Variants in ZNF106 observed in about 807,000 individuals in gnomAD.
ZNF106 encodes the protein SH3-domain binding protein 3.
Under a neutral mutation model 195.1 loss-of-function variants are expected in ZNF106, and 67 were observed. The observed-to-expected ratio is 0.34, with a 90% confidence interval of 0.28 to 0.42. ZNF106 has a LOEUF of 0.42. Ranked by LOEUF, ZNF106 falls within the 10% of genes least tolerant of loss-of-function variation. The probability of loss-of-function intolerance (pLI) is 1.00; values close to 1 mark genes in which losing one functional copy is unlikely to be tolerated. For synonymous variants in ZNF106, 784 were observed against 818.6 expected, an observed-to-expected ratio of 0.96 and a Z score of 0.72; for missense variants, 2,118 against 2,304.5, an observed-to-expected ratio of 0.92 and a Z score of 1.66.
At position 42,437,279 on chromosome 15, in the gene ZNF106, G is replaced by C; in HGVS notation, c.4699C>G (p.Leu1567Val). 6.2e-7 allele frequency: 1 copy of C among 1,614,104 alleles called. No individual in the cohort carries two copies. The highest frequency in any genetic ancestry group is 8.5e-7 in the Non-Finnish European group (1 of 1,180,008). The change falls in exon 13 of 22, where the codon CTA becomes GTA. Residue 1567 changes from leucine to valine, a missense_variant. Coordinates refer to ENST00000564754, the MANE Select transcript of ZNF106 (RefSeq NM_001366845.3). ...GTTTTATCTGCTGAACAGGTATATA[G>C]CAAGTTCCCAAATATCTGAATTGCA... Reference protein sequence around the residue: ...VNAIQIFGNLLYTCSADKTVR... With the variant: ...VNAIQIFGNLVYTCSADKTVR...
chr15:42,420,908 C>T (rs979682191), intron 20 of ZNF106, among the ~76,000 whole-genome samples, 153 bp downstream of exon 20: 2 of 152,104 alleles, frequency 1.3e-5, no homozygotes, highest in Admixed American at 1.3e-4. Flanking sequence ...AACAAAACCA[C>T]CACCGAGGAG....
intron 1 of ZNF106, among the ~76,000 whole-genome samples, chr15:42,474,825 T>C (rs903481483): frequency 7.3e-4 from 111 of 152,186 alleles, no homozygotes; most frequent in African/African-American, 2.6e-3. Flanking sequence ...TTCATAATCC[T>C]CTGGCACTAG....
At chr15:42,449,293 A>C (rs556779987) in intron 5 of ZNF106, among the ~76,000 whole-genome samples, 1 of 152,356 alleles carries the variant, frequency 6.6e-6, no homozygotes, top group East Asian at 1.9e-4. Context: ...AGCGCTTAAG[A>C]GAAAGCATGT....
Position 42,415,418 on chromosome 15 carries a change from G to A in ZNF106, c.*1886C>T, listed in dbSNP as rs373662515. ...ATTACAGGTGTGAGCCACCAGGCCC[G>A]GCCTCCTAGATTAATTCTTGACATT... On this transcript the variant is annotated 3_prime_UTR_variant, in exon 22 of 22. Coordinates refer to ENST00000564754, the MANE Select transcript of ZNF106 (RefSeq NM_001366845.3). 7.3e-5 allele frequency: 33 copies of A among 453,686 alleles called. 1 individual carries two copies. In the Middle Eastern group the frequency reaches 9.8e-4, roughly 13 times the overall value. The allele number at this position is 453,686 out of a possible 1,614,324, so 28.1% of individuals were successfully genotyped here. A position where few individuals can be genotyped will look rare whatever the true frequency, so the allele number is the denominator to read the frequency against.
At chr15:42,457,673 G>T in intron 3 of ZNF106, 1 of 412,964 alleles carries the variant, frequency 2.4e-6, no homozygotes, top group South Asian at 9.3e-5. Flanking sequence ...GCTCTGCCTG[G>T]AATGTGAGGA....
rs1595464665 is a variant in ZNF106 at position 42,447,861 on chromosome 15, G to A, written c.3135+211C>T. Reference sequence around the variant, plus strand: ...TTTAGATATGACTTCATATTTTCCTGGTACTGTACATTCATATTAGATTAC... The same window carrying A: ...TTTAGATATGACTTCATATTTTCCTAGTACTGTACATTCATATTAGATTAC... On this transcript the variant is annotated intron_variant, in intron 6 of 21. Transcript: ENST00000564754. Among the ~76,000 whole-genome samples the A allele has an allele frequency of 2.0e-5, 3 of 152,232 alleles. 1 individual carries two copies.
At chr15:42,419,330 G>A (rs1282112758) in intron 20 of ZNF106, among the ~76,000 whole-genome samples, 1 of 152,010 alleles carries the variant, frequency 6.6e-6, no homozygotes, top group Non-Finnish European at 1.5e-5. Context: ...TCGCACTCCA[G>A]CCTGGGTGAC....
chr15:42,486,303 G>A (rs960237472), intron 1 of ZNF106, among the ~76,000 whole-genome samples: 1 of 151,038 alleles, frequency 6.6e-6, no homozygotes, highest in Non-Finnish European at 1.5e-5. Context: ...TCTATCACCT[G>A]GGGTAGAGTG....
intron 1 of ZNF106, among the ~76,000 whole-genome samples, chr15:42,481,125 T>C (rs1316534707): frequency 6.6e-6 from 1 of 152,112 alleles, no homozygotes; most frequent in Admixed American, 6.6e-5. Flanking sequence ...GATGATGCTT[T>C]TTTGTGCTAT....
chr15:42,460,568 G>C (rs2056364333), intron 3 of ZNF106, among the ~76,000 whole-genome samples: 1 of 152,200 alleles, frequency 6.6e-6, no homozygotes, highest in African/African-American at 2.4e-5. Context: ...AATAAGTGCA[G>C]TATAAAAGTT....
chr15:42,422,067 C>T, intron 18 of ZNF106, 79 bp from the exon 19 acceptor site: 2 of 1,313,272 alleles, frequency 1.5e-6, no homozygotes, highest in Non-Finnish European at 1.0e-6. Flanking sequence ...AGGCCTTTGG[C>T]AGGTTTAAAA....
Position 42,417,916 on chromosome 15 carries a change from A to G in ZNF106, c.5553T>C (p.Asp1851=). The G allele has an allele frequency of 6.2e-7, 1 of 1,614,016 alleles. No homozygotes were observed. Among genetic ancestry groups the G allele is most frequent in the Non-Finnish European group, 8.5e-7 (1 of 1,179,954 alleles). The change falls in exon 21 of 22, where the codon GAT becomes GAC. Residue 1851 remains aspartate (D), a synonymous_variant. Transcript: ENST00000564754. Reference sequence around the variant, plus strand: ...CGGTCAGCAAGTGTTGTTTTAAATGATCTACAACGCCAAATATCAGAGAGC... The same window carrying G: ...CGGTCAGCAAGTGTTGTTTTAAATGGTCTACAACGCCAAATATCAGAGAGC... ...HGCSLIFGVV[D]HLKQHLLTDH... is the part of the protein sequence containing the mutation.
chr15:42,420,358 A>G (rs2054614005), intron 20 of ZNF106, among the ~76,000 whole-genome samples: 2 of 152,144 alleles, frequency 1.3e-5, no homozygotes, highest in Admixed American at 1.3e-4. Context: ...TTATTACATC[A>G]AAAAAACATA....
chr15:42,417,847 C>T lies in ZNF106; in HGVS notation c.5622G>A (p.Lys1874=), dbSNP rs1424543559. The T allele has an allele frequency of 6.2e-7, 1 of 1,613,998 alleles. No homozygotes were observed. The highest frequency in any genetic ancestry group is 1.1e-5 in the South Asian group (1 of 91,068). ...TAGCAGTGAAAAAAGCATCGCAGTT[C>T]TTCCAGCGACATTTCAGAGTCTGGA... ...PNFQTLKCRW[K]NCDAFFTARK... Residue 1874 remains lysine, a synonymous_variant, in exon 21 of 22, where the codon AAG becomes AAA. Transcript: ENST00000564754.
chr15:42,481,859 A>G (rs551984495), intron 1 of ZNF106, among the ~76,000 whole-genome samples: 1 of 152,140 alleles, frequency 6.6e-6, no homozygotes, highest in Non-Finnish European at 1.5e-5. Flanking sequence ...TTGTCTGTCA[A>G]TAGTTTAACT....
chr15:42,426,253 T>C (rs1459775464), intron 15 of ZNF106, among the ~76,000 whole-genome samples: 1 of 152,178 alleles, frequency 6.6e-6, no homozygotes, highest in Non-Finnish European at 1.5e-5. Flanking sequence ...TTCACATCTA[T>C]GCAGAGATTC....
At chr15:42,484,087 A>C (rs2056960120) in intron 1 of ZNF106, among the ~76,000 whole-genome samples, 1 of 152,178 alleles carries the variant, frequency 6.6e-6, no homozygotes, top group South Asian at 2.1e-4. Flanking sequence ...GGAAATTTTC[A>C]TTCATACATA....
In ZNF106 at chr15:42,448,288, A is replaced by G. The variant is rs2055845998; in HGVS notation, c.2919T>C (p.His973=). The change falls in exon 6 of 22, where the codon CAT becomes CAC. Residue 973 remains histidine, a synonymous_variant. Coordinates refer to ENST00000564754, the MANE Select transcript of ZNF106 (RefSeq NM_001366845.3). ...LSSDHIIPLM[H]LAKDLNSQER... ...CCTGGCTGTTCAAGTCTTTTGCCAA[A>G]TGCATCAAAGGTATTATATGGTCAG... is the stretch of plus-strand genomic sequence containing the variant. 6.2e-7 allele frequency: 1 copy of G among 1,614,198 alleles called. No homozygotes were observed.
At position 42,416,341 on chromosome 15, in the gene ZNF106, C is replaced by T. The variant is rs562102939; in HGVS notation, c.*963G>A. 6.6e-6 allele frequency: 1 copy of T among 152,406 alleles called. No individual in the cohort carries two copies. The highest frequency in any genetic ancestry group is 1.5e-5 in the Non-Finnish European group (1 of 68,132). 9.4% of individuals were successfully genotyped at this position (152,406 alleles called of 1,614,324 possible). On this transcript the variant is annotated 3_prime_UTR_variant, in exon 22 of 22. Coordinates refer to ENST00000564754, the MANE Select transcript of ZNF106 (RefSeq NM_001366845.3). ...GTTGCTGCAGGGGGGTGGAAAACAC[C>T]CCGTGAGCCCAGAGGAATATTCGAT... is the stretch of plus-strand genomic sequence containing the variant.
Sources: gnomAD v4.1 joint callset for allele counts (sites outside exome capture counted in the v4.1 genomes callset) on GRCh38, gnomAD v4.1.1 for gene constraint, MANE v1.5 for transcripts, NCBI Gene and HGNC (gene_info 2026-07-23, HGNC 2026-07-21) for gene names.